RFX4: variants seen among roughly 807,000 people sequenced by gnomAD.
RFX4 encodes regulatory factor X4, also known as transcription factor RFX4.
In RFX4, 10 loss-of-function variants were observed where a neutral mutation model predicts 95.0. The observed-to-expected ratio is 0.11, with a 90% CI of 0.06 to 0.18. The LOEUF (loss-of-function observed/expected upper bound fraction) is 0.18, where lower values mean the gene tolerates loss of function less well. Ranked by LOEUF, RFX4 falls within the 10% of genes least tolerant of loss-of-function variation. The pLI, the probability that RFX4 is intolerant of heterozygous loss-of-function variation, is 1.00. For synonymous variants in RFX4, 321 were observed against 340.7 expected (o/e 0.94, Z 0.64); for missense variants, 640 against 922.0 (o/e 0.69, Z 3.96).
At chr12:106,749,771 C>G (rs1031058027) in intron 16 of RFX4, among the ~76,000 whole-genome samples, 3 of 152,094 alleles carry the variant, frequency 2.0e-5, no homozygotes, top group African/African-American at 7.2e-5. Flanking sequence ...ATGTGAGAAA[C>G]AGGGTCATGA....
chr12:106,664,378 G>A (rs944613951), intron 4 of RFX4, among the ~76,000 whole-genome samples: 1 of 151,674 alleles, frequency 6.6e-6, no homozygotes, highest in African/African-American at 2.4e-5. Flanking sequence ...TCCTTATAAT[G>A]TCTATAAGAT....
chr12:106,601,177 A>G (rs2039698317), intron 1 of RFX4: 1 of 1,511,920 alleles, frequency 6.6e-7, no homozygotes, highest in Non-Finnish European at 8.9e-7. Context: ...CCCCCTGGAG[A>G]GGCCACAGCT....
intron 1 of RFX4, among the ~76,000 whole-genome samples, chr12:106,603,507 G>T (rs1269680481): frequency 6.6e-6 from 1 of 152,220 alleles, no homozygotes; most frequent in Non-Finnish European, 1.5e-5. Context: ...CCTCCTTTCT[G>T]CCCATAATCC....
chr12:106,622,856 G>A (rs949752999), intron 2 of RFX4, among the ~76,000 whole-genome samples: 2 of 108 alleles, frequency 0.019, no homozygotes, highest in Admixed American at 0.083. Context: ...CTTGACCTCG[G>A]TGATCTGCCT....
chr12:106,681,759 G>T (rs1189636397), intron 4 of RFX4, among the ~76,000 whole-genome samples: 2 of 152,110 alleles, frequency 1.3e-5, no homozygotes, highest in Admixed American at 6.5e-5. Context: ...GTAGGACGGG[G>T]TGAAGCATAG....
chr12:106,645,969 C>G, intron 3 of RFX4: 1 of 1,287,634 alleles, frequency 7.8e-7, no homozygotes, highest in Non-Finnish European at 1.0e-6. Context: ...ATGCCAAGGG[C>G]AGAAATTTCT....
intron 1 of RFX4, among the ~76,000 whole-genome samples, chr12:106,597,569 T>G (rs185092546): frequency 6.3e-4 from 96 of 152,300 alleles, no homozygotes; most frequent in Non-Finnish European, 9.1e-4. Context: ...TACTACTCCG[T>G]TTTACAGATG....
intron 17 of RFX4, among the ~76,000 whole-genome samples, chr12:106,756,101 G>C (rs2043103525): frequency 6.6e-6 from 1 of 152,164 alleles, no homozygotes; most frequent in African/African-American, 2.4e-5. Context: ...TTAGATTCTT[G>C]TAACTTTTGA....
rs151077715 is a variant in RFX4 at position 106,761,384 on chromosome 12, G to A, written c.2123G>A (p.Arg708His). 239 of 1,613,946 alleles carry A rather than the reference G, an allele frequency of 1.5e-4. No homozygotes were observed. The highest frequency in any genetic ancestry group is 1.9e-4 in the Non-Finnish European group (221 of 1,180,018). The change falls in exon 18 of 18, where the codon CGC becomes CAC. Residue 708 changes from arginine (R) to histidine (H), a missense_variant. Arg to His is a conservative substitution (Grantham distance 29). Around this residue, in one of 7 missense-constraint regions of RFX4, gnomAD observed 300 missense variants for 346.8 expected, o/e 0.87. Coordinates refer to ENST00000392842, the MANE Select transcript of RFX4 (RefSeq NM_213594.3). ...GACATGTATACACCTCTGACAACGC[G>A]CAGGAATTCTGAATATGAGCACATG... is the stretch of plus-strand genomic sequence containing the variant. ...SSDMYTPLTT[R>H]RNSEYEHMQH... is the part of the protein sequence containing the mutation.
chr12:106,594,699 C>G (rs1014990893), intron 1 of RFX4, among the ~76,000 whole-genome samples: 2 of 151,794 alleles, frequency 1.3e-5, no homozygotes, highest in East Asian at 1.9e-4. Context: ...GAAAGGCTGC[C>G]GAGCTGAGCA....
chr12:106,612,634 T>C (rs1402279868), intron 2 of RFX4, among the ~76,000 whole-genome samples: 2 of 152,140 alleles, frequency 1.3e-5, no homozygotes, highest in Non-Finnish European at 2.9e-5. Flanking sequence ...GGTCAGGAGT[T>C]CGAAACCAGC....
intron 3 of RFX4, among the ~76,000 whole-genome samples, chr12:106,642,922 T>G (rs964455893): frequency 9.2e-5 from 14 of 152,146 alleles, no homozygotes; most frequent in Non-Finnish European, 1.6e-4. Context: ...TATTAGGGCA[T>G]GCGCCCAGCC....
rs2042668352 is a variant in RFX4, at chr12:106,734,307, T to C, written c.1633+1222T>C. On this transcript the variant is annotated intron_variant, in intron 15 of 17. Transcript: ENST00000392842. ...TGCCATTGAACTGTACACTTGAAAATGGTTTATACTGGGCGTGGTGGCTCA... is the reference window on the plus strand; with the variant it reads ...TGCCATTGAACTGTACACTTGAAAACGGTTTATACTGGGCGTGGTGGCTCA... Among the ~76,000 whole-genome samples the C allele has an allele frequency of 2.0e-5, 3 of 152,140 alleles. No individual in the cohort carries two copies. In the South Asian group the frequency reaches 6.2e-4, roughly 32 times the overall value.
In RFX4 at chr12:106,684,641, G is replaced by A. The variant is rs1275508214; in HGVS notation, c.378-2243G>A. On this transcript the variant is annotated intron_variant, in intron 5 of 17. Transcript: ENST00000392842. ...GAACTTTTTAAGGTTACGGTGGTGT[G>A]TCATAACTGTCATCCCACCTGAAGC... 26 of 1,393,584 alleles carry A rather than the reference G, an allele frequency of 1.9e-5. No individual in the cohort carries two copies. In the Admixed American group the frequency reaches 2.6e-4, roughly 14 times the overall value. The allele number at this position is 1,393,584 out of a possible 1,614,324, so 86.3% of individuals were successfully genotyped here. A position where few individuals can be genotyped will look rare whatever the true frequency, so the allele number is the denominator to read the frequency against.
chr12:106,713,661 C>T (rs1200426377), intron 10 of RFX4, among the ~76,000 whole-genome samples: 2 of 152,168 alleles, frequency 1.3e-5, no homozygotes, highest in Non-Finnish European at 2.9e-5. Context: ...ATTGAGTTCC[C>T]TGCACTATGC....
At chr12:106,626,342 G>A (rs1346465742) in intron 2 of RFX4, among the ~76,000 whole-genome samples, 2 of 152,192 alleles carry the variant, frequency 1.3e-5, no homozygotes, top group Non-Finnish European at 2.9e-5. Flanking sequence ...GGGCCTCAAA[G>A]GATCCATGTG....
At chr12:106,614,477 C>CTG (rs34226201) in intron 2 of RFX4, among the ~76,000 whole-genome samples, 32,884 of 127,392 alleles carry the variant, frequency 0.26, 4,277 homozygotes, top group Non-Finnish European at 0.3. Flanking sequence ...CGTCTTTTGC[C>CTG]TGTGTGTGTG....
chr12:106,643,120 A>G (rs2040666160), intron 3 of RFX4, among the ~76,000 whole-genome samples: 1 of 152,222 alleles, frequency 6.6e-6, no homozygotes, highest in Admixed American at 6.5e-5. Flanking sequence ...CCATCACTGA[A>G]TACAGGCTGC....
intron 4 of RFX4, 43 bp downstream of exon 4, chr12:106,654,394 C>T (rs567301371): frequency 6.3e-7 from 1 of 1,581,354 alleles, no homozygotes. Context: ...ACCACCCCAA[C>T]TTTAAGTAAT....
Sources: allele counts gnomAD v4.1 joint callset (sites outside exome capture counted in the v4.1 genomes callset), GRCh38; gene constraint gnomAD v4.1.1; regional missense constraint gnomAD v4.1.1; transcripts MANE v1.5; gene names NCBI Gene and HGNC (gene_info 2026-07-23, HGNC 2026-07-21).